RRAGC: variants seen among roughly 807,000 people sequenced by gnomAD.
RRAGC encodes the protein Ras related GTP binding C, also known as ras-related GTP-binding protein C.
RRAGC carries 8 observed loss-of-function variants against 37.1 expected under a neutral mutation model. That is an observed-to-expected ratio of 0.22 (90% CI 0.13 to 0.39). The LOEUF is 0.39. RRAGC is among the 10% of genes least tolerant of loss of function. The probability of loss-of-function intolerance (pLI) is 1.00; values close to 1 mark genes in which losing one functional copy is unlikely to be tolerated. For synonymous variants in RRAGC, 190 were observed against 181.1 expected, an observed-to-expected ratio of 1.05 and a Z score of -0.39; for missense variants, 342 against 497.6, an observed-to-expected ratio of 0.69 and a Z score of 2.98.
Position 38,854,502 on chromosome 1 carries a change from A to G in RRAGC, c.641+1206T>C, listed in dbSNP as rs540666556. On this transcript the variant is annotated intron_variant, in intron 3 of 6. Transcript: ENST00000373001. ...GGAACACAGACACGGAGTAAAGAGA[A>G]TCAGAAGGATCCCCATGGAGCACTG... 2.0e-5 allele frequency among the ~76,000 whole-genome samples: 3 copies of G among 152,316 alleles called. No homozygotes were observed. In the East Asian group the frequency reaches 5.8e-4, roughly 29 times the overall value.
chr1:38,843,797 T>C (rs1170732692), intron 6 of RRAGC, among the ~76,000 whole-genome samples: 1 of 151,794 alleles, frequency 6.6e-6, no homozygotes, highest in African/African-American at 2.4e-5. Flanking sequence ...CCTTGAGTAG[T>C]TAAATAATAT....
intron 1 of RRAGC, 112 bp from the exon 2 acceptor site, chr1:38,857,194 T>C: frequency 1.3e-6 from 1 of 753,410 alleles, no homozygotes; most frequent in Non-Finnish European, 2.1e-6. Context: ...AAATTTTTTT[T>C]GAAAAGTAGA....
At position 38,859,716 on chromosome 1, in the gene RRAGC, G is replaced by T; in HGVS notation, c.-70C>A. 3.3e-6 allele frequency: 4 copies of T among 1,206,752 alleles called. No homozygotes were observed. Among genetic ancestry groups the T allele is most frequent in the Non-Finnish European group, 4.2e-6 (4 of 956,930 alleles). 74.8% of individuals were successfully genotyped at this position (1,206,752 alleles called of 1,614,324 possible). A position where few individuals can be genotyped will look rare whatever the true frequency, so the allele number is the denominator to read the frequency against. Reference sequence around the variant, plus strand: ...GCCGAGCCAGGCCGCCGCCTCCCCAGTCCGCCTCCGCCGCCGCCGCCACCA... The same window carrying T: ...GCCGAGCCAGGCCGCCGCCTCCCCATTCCGCCTCCGCCGCCGCCGCCACCA... On this transcript the variant is annotated 5_prime_UTR_variant, in exon 1 of 7. The change creates a new upstream start codon in the 5' untranslated region. Transcript: ENST00000373001.
rs1162707010 is a variant in RRAGC, at chr1:38,852,864, C to T, written c.642-376G>A. 2.6e-5 allele frequency among the ~76,000 whole-genome samples: 4 copies of T among 152,124 alleles called. No individual in the cohort carries two copies. The East Asian group carries it at 5.8e-4, about 22-fold the overall frequency. On this transcript the variant is annotated intron_variant, in intron 3 of 6. Coordinates refer to ENST00000373001, the MANE Select transcript of RRAGC (RefSeq NM_022157.4). Reference sequence around the variant, plus strand: ...TTATGTGACATTTATTAAATAAGAACATAATTCAGGTTTCTACTAAAATGT... The same window carrying T: ...TTATGTGACATTTATTAAATAAGAATATAATTCAGGTTTCTACTAAAATGT...
At chr1:38,844,875 AG>A (rs1185865424) in intron 6 of RRAGC, among the ~76,000 whole-genome samples, 4 of 152,238 alleles carry the variant, frequency 2.6e-5, no homozygotes, top group Non-Finnish European at 5.9e-5. Context: ...TATGAAAAAA[AG>A]CTCATCACCA....
intron 6 of RRAGC, among the ~76,000 whole-genome samples, chr1:38,841,818 C>CA (rs1182628262): frequency 6.6e-6 from 1 of 152,022 alleles, no homozygotes; most frequent in East Asian, 1.9e-4. Flanking sequence ...ATTCCCATCT[C>CA]AAAATAAAAA....
At chr1:38,840,160 A>AG (rs1641947215) in intron 6 of RRAGC, among the ~76,000 whole-genome samples, 1 of 151,916 alleles carries the variant, frequency 6.6e-6, no homozygotes, top group African/African-American at 2.4e-5. Context: ...AAAAAAAAAA[A>AG]AAAAAAGAAC....
At chr1:38,851,869 C>A in intron 4 of RRAGC, 112 bp from the exon 5 acceptor site, 1 of 899,528 alleles carries the variant, frequency 1.1e-6, no homozygotes, top group Non-Finnish European at 1.7e-6. Flanking sequence ...AATTATATAA[C>A]CCAATACCAA....
rs1332239724 is a variant in RRAGC, at chr1:38,859,723, T to G, written c.-77A>C. 7 of 1,167,302 alleles carry G rather than the reference T, an allele frequency of 6.0e-6. No individual in the cohort carries two copies. The highest frequency in any genetic ancestry group is 1.7e-5 in the African/African-American group (1 of 60,460). The allele number at this position is 1,167,302 out of a possible 1,614,324, so 72.3% of individuals were successfully genotyped here. ...CAGGCCGCCGCCTCCCCAGTCCGCC[T>G]CCGCCGCCGCCGCCACCACCGCCAC... On this transcript the variant is annotated 5_prime_UTR_variant, in exon 1 of 7. Transcript: ENST00000373001.
chr1:38,843,221 C>T (rs1641985448), intron 6 of RRAGC, among the ~76,000 whole-genome samples: 1 of 151,890 alleles, frequency 6.6e-6, no homozygotes, highest in African/African-American at 2.4e-5. Context: ...ATCCCAGCTA[C>T]TCAGGAGGCT....
intron 5 of RRAGC, among the ~76,000 whole-genome samples, chr1:38,848,928 T>C (rs1642061106): frequency 6.6e-6 from 1 of 151,816 alleles, no homozygotes; most frequent in Non-Finnish European, 1.5e-5. Context: ...GTCCAGGAAT[T>C]CAAGACCAGC....
chr1:38,846,383 C>G (rs1446808264), intron 5 of RRAGC: 1 of 259,036 alleles, frequency 3.9e-6, no homozygotes, highest in Non-Finnish European at 7.2e-6. Context: ...TTACCAACAT[C>G]TCACCAGGTG....
chr1:38,858,640 G>T (rs1307110326), intron 1 of RRAGC, among the ~76,000 whole-genome samples: 1 of 152,236 alleles, frequency 6.6e-6, no homozygotes, highest in East Asian at 1.9e-4. Flanking sequence ...GGAGGTTGCA[G>T]TGAGCCGAGA....
At chr1:38,842,086 C>G (rs973069105) in intron 6 of RRAGC, among the ~76,000 whole-genome samples, 2 of 152,164 alleles carry the variant, frequency 1.3e-5, no homozygotes, top group African/African-American at 4.8e-5. Flanking sequence ...TCCTGGCTAA[C>G]ACAGTGAAAC....
At chr1:38,849,548 C>T (rs1353825974) in intron 5 of RRAGC, among the ~76,000 whole-genome samples, 4 of 151,386 alleles carry the variant, frequency 2.6e-5, no homozygotes, top group South Asian at 2.1e-4. Flanking sequence ...ATCAGCCAGG[C>T]GTGGTGGTGC....
At chr1:38,849,688 C>A (rs1642072826) in intron 5 of RRAGC, among the ~76,000 whole-genome samples, 1 of 150,778 alleles carries the variant, frequency 6.6e-6, no homozygotes, top group South Asian at 2.1e-4. Context: ...GACTCTGTCT[C>A]AAAAAAATAA....
chr1:38,847,967 G>A (rs993662966), intron 5 of RRAGC: 1 of 150,682 alleles, frequency 6.6e-6, no homozygotes, highest in African/African-American at 2.5e-5. Flanking sequence ...TTGAGCCCAG[G>A]AGGTCGAGGC....
chr1:38,855,915 T>C lies in RRAGC; in HGVS notation c.442-8A>G. ...AGCCTCCATGTAGTCATCCTGTAAGTCAGAACAAAATATTTTTTAAAATAA... is the reference window on the plus strand; with the variant it reads ...AGCCTCCATGTAGTCATCCTGTAAGCCAGAACAAAATATTTTTTAAAATAA... On this transcript the variant is annotated splice_polypyrimidine_tract_variant and splice_region_variant and intron_variant, in intron 2 of 6. Coordinates refer to ENST00000373001, the MANE Select transcript of RRAGC (RefSeq NM_022157.4). 6.3e-7 allele frequency: 1 copy of C among 1,596,294 alleles called. No individual in the cohort carries two copies. Among genetic ancestry groups the C allele is most frequent in the Non-Finnish European group, 8.6e-7 (1 of 1,168,518 alleles).
intron 3 of RRAGC, among the ~76,000 whole-genome samples, chr1:38,853,959 G>A (rs914660703): frequency 6.6e-6 from 1 of 152,124 alleles, no homozygotes; most frequent in African/African-American, 2.4e-5. Flanking sequence ...GGTAAATGGG[G>A]ACAGGGAGAA....
Sources: allele counts gnomAD v4.1 joint callset (sites outside exome capture counted in the v4.1 genomes callset), GRCh38; gene constraint gnomAD v4.1.1; transcripts MANE v1.5; gene names NCBI Gene and HGNC (gene_info 2026-07-23, HGNC 2026-07-21).